The following TRPC5 variants were observed in gnomAD, a reference collection of about 807,000 sequenced individuals.
The protein encoded by TRPC5 is transient receptor potential cation channel subfamily C member 5.
TRPC5 carries 9 observed loss-of-function variants against 56.5 expected under a neutral mutation model. The observed-to-expected ratio is 0.16, with a 90% CI of 0.10 to 0.28. TRPC5 has a LOEUF of 0.28. Ranked by LOEUF, TRPC5 falls within the 10% of genes least tolerant of loss-of-function variation. The probability of loss-of-function intolerance (pLI) is 1.00; values close to 1 mark genes in which losing one functional copy is unlikely to be tolerated. For synonymous variants in TRPC5, 282 were observed against 278.5 expected, an observed-to-expected ratio of 1.01 and a Z score of -0.13; for missense variants, 469 against 748.9, an observed-to-expected ratio of 0.63 and a Z score of 4.36.
chrX:111,981,095 G>A (rs761093183), intron 1 of TRPC5, among the ~76,000 whole-genome samples: 26 of 109,695 alleles, frequency 2.4e-4, no homozygotes, highest in Non-Finnish European at 4.4e-4. Context: ...TATGGAAGCT[G>A]AGAAATCCCA....
At chrX:111,842,384 C>T (rs779514444) in intron 6 of TRPC5, among the ~76,000 whole-genome samples, 14 of 109,210 alleles carry the variant, frequency 1.3e-4, no homozygotes, top group East Asian at 2.9e-4. Flanking sequence ...GTGATCTGCC[C>T]GGTTTAGCCT....
rs563880979 is a variant in TRPC5, at chrX:111,899,122, A to G, written c.900+13169T>C. Among the ~76,000 whole-genome samples, 11 of 110,369 alleles carry G rather than the reference A, an allele frequency of 1.0e-4. No individual in the cohort carries two copies. The East Asian group carries it at 3.1e-3, about 31-fold the overall frequency. On this transcript the variant is annotated intron_variant, in intron 3 of 10. Transcript: ENST00000262839. ...CCCTCTCCTCACCCACTAGTTGCTA[A>G]ATTCTGAGATTGAGAATAAAAAATA...
chrX:111,923,169 C>T (rs1926167959), intron 2 of TRPC5, among the ~76,000 whole-genome samples: 1 of 111,719 alleles, frequency 9.0e-6, no homozygotes, highest in Non-Finnish European at 1.9e-5. Context: ...AAAAGGCCAA[C>T]AATTTGATTT....
At chrX:111,934,449 G>T (rs1240124442) in intron 2 of TRPC5, among the ~76,000 whole-genome samples, 2 of 110,844 alleles carry the variant, frequency 1.8e-5, no homozygotes, top group African/African-American at 6.6e-5. Context: ...ACCACCTAAA[G>T]CATTTTCATT....
intron 1 of TRPC5, among the ~76,000 whole-genome samples, chrX:112,033,274 C>T (rs1010119265): frequency 1.9e-5 from 2 of 106,208 alleles, no homozygotes; most frequent in East Asian, 3.0e-4. Context: ...ATGTAAATGA[C>T]GAGTTAACGG....
At chrX:111,855,864 A>T (rs1923211036) in intron 3 of TRPC5, among the ~76,000 whole-genome samples, 1 of 112,358 alleles carries the variant, frequency 8.9e-6, no homozygotes, top group Non-Finnish European at 1.9e-5. Context: ...GGGAAACAGA[A>T]GCACAAAAGG....
chrX:111,933,824 T>C (rs774654342), intron 2 of TRPC5, among the ~76,000 whole-genome samples: 28 of 111,537 alleles, frequency 2.5e-4, no homozygotes, highest in Non-Finnish European at 3.8e-4. Context: ...ACTATTCTTC[T>C]CATGAGACTA....
chrX:112,048,870 C>T (rs1037740342), intron 1 of TRPC5, among the ~76,000 whole-genome samples: 9 of 112,119 alleles, frequency 8.0e-5, no homozygotes, highest in Non-Finnish European at 1.3e-4. Context: ...CTCTTTGTCC[C>T]TCCCTCCCTG....
chrX:111,804,491 A>C (rs1374767050), intron 7 of TRPC5, among the ~76,000 whole-genome samples: 1 of 111,720 alleles, frequency 9.0e-6, no homozygotes, highest in African/African-American at 3.3e-5. Context: ...TGAGCATGGA[A>C]TATTCTTCCA....
chrX:111,821,173 T>C (rs1201377050), intron 7 of TRPC5, among the ~76,000 whole-genome samples: 1 of 111,820 alleles, frequency 8.9e-6, no homozygotes, highest in Non-Finnish European at 1.9e-5. Context: ...CTACATTTAT[T>C]AGGAAGGGCT....
chrX:111,911,168 C>T (rs1327292456), intron 3 of TRPC5, among the ~76,000 whole-genome samples: 1 of 61,772 alleles, frequency 1.6e-5, no homozygotes, highest in Non-Finnish European at 2.9e-5. Context: ...GATAAACACA[C>T]AATGACGTTT....
At chrX:111,996,656 C>A (rs1174171061) in intron 1 of TRPC5, among the ~76,000 whole-genome samples, 1 of 111,433 alleles carries the variant, frequency 9.0e-6, no homozygotes, top group African/African-American at 3.3e-5. Flanking sequence ...CTTTATGAAT[C>A]TGGGTGCTCC....
chrX:111,866,097 C>T (rs1423655344), intron 3 of TRPC5, among the ~76,000 whole-genome samples: 2 of 113,375 alleles, frequency 1.8e-5, no homozygotes, highest in South Asian at 3.6e-4. Flanking sequence ...ATTCCATAGA[C>T]CAAGCTTTCA....
intron 1 of TRPC5, among the ~76,000 whole-genome samples, chrX:111,983,287 T>A (rs1328447228): frequency 9.0e-6 from 1 of 111,619 alleles, no homozygotes; most frequent in Non-Finnish European, 1.9e-5. Context: ...GGAGTCCATG[T>A]TGCTGAGCCC....
intron 3 of TRPC5, among the ~76,000 whole-genome samples, chrX:111,900,245 T>C (rs1180602054): frequency 1.8e-5 from 2 of 111,728 alleles, no homozygotes; most frequent in Non-Finnish European, 3.8e-5. Flanking sequence ...ATAATAGACT[T>C]GGTAGAATCC....
At chrX:111,825,638 A>G (rs1346272119) in intron 7 of TRPC5, among the ~76,000 whole-genome samples, 1 of 111,837 alleles carries the variant, frequency 8.9e-6, no homozygotes, top group African/African-American at 3.3e-5. Context: ...TAAAAAGGGA[A>G]TAGTGAGACA....
At chrX:111,827,002 GT>G (rs1190034223) in intron 7 of TRPC5, among the ~76,000 whole-genome samples, 1 of 111,825 alleles carries the variant, frequency 8.9e-6, no homozygotes, top group African/African-American at 3.3e-5. Flanking sequence ...TGCCTTCAAG[GT>G]AAGTGTCAAC....
At chrX:112,061,532 C>G (rs1454719383) in intron 1 of TRPC5, among the ~76,000 whole-genome samples, 2 of 111,758 alleles carry the variant, frequency 1.8e-5, no homozygotes, top group Non-Finnish European at 3.8e-5. Flanking sequence ...AGAGGAGGAG[C>G]TGTGAAGGCA....
intron 3 of TRPC5, chrX:111,875,905 T>C (rs1348176722): frequency 9.2e-6 from 1 of 108,347 alleles, no homozygotes; most frequent in African/African-American, 3.4e-5. Context: ...TTGTTTGTGG[T>C]GTGTGTGTGT....
Sources: allele counts gnomAD v4.1 joint callset (sites outside exome capture counted in the v4.1 genomes callset), GRCh38; gene constraint gnomAD v4.1.1; transcripts MANE v1.5; gene names NCBI Gene and HGNC (gene_info 2026-07-23, HGNC 2026-07-21).